ZNF766: variants seen among roughly 807,000 people sequenced by gnomAD.
ZNF766 encodes zinc finger protein 766.
In ZNF766, 13 loss-of-function variants were observed where a neutral mutation model predicts 13.2. The ratio of observed to expected loss-of-function variants is 0.98; its 90% CI spans 0.64 to 1.56. The LOEUF is 1.56. ZNF766 is among the 40% of genes most tolerant of loss of function. ZNF766 has a pLI of 0.00. For missense variants in ZNF766, 521 were observed against 552.2 expected (o/e 0.94, Z 0.57); for synonymous variants, 178 against 187.6 (o/e 0.95, Z 0.42).
rs750585668 is a variant in ZNF766 at position 52,291,232 on chromosome 19, A to G, written c.*34A>G. ...AACTCTATCATAAGTTCTAGCAGTAATCAACATCCGAGAGTCTATACTAGA... is the reference window on the plus strand; with the variant it reads ...AACTCTATCATAAGTTCTAGCAGTAGTCAACATCCGAGAGTCTATACTAGA... On this transcript the variant is annotated 3_prime_UTR_variant, in exon 4 of 4. Coordinates refer to ENST00000439461, the MANE Select transcript of ZNF766 (RefSeq NM_001010851.3). 3 of 1,526,984 alleles carry G rather than the reference A, an allele frequency of 2.0e-6. No individual in the cohort carries two copies. Among genetic ancestry groups the G allele is most frequent in the African/African-American group, 1.4e-5 (1 of 72,130 alleles). 94.6% of individuals were successfully genotyped at this position (1,526,984 alleles called of 1,614,324 possible). A position where few individuals can be genotyped will look rare whatever the true frequency, so the allele number is the denominator to read the frequency against.
At chr19:52,285,531 T>G (rs1333527583) in intron 3 of ZNF766, among the ~76,000 whole-genome samples, 1 of 152,174 alleles carries the variant, frequency 6.6e-6, no homozygotes, top group African/African-American at 2.4e-5. Context: ...ATGAAGGATA[T>G]TGCAAGGGTA....
chr19:52,277,474 A>G (rs898258215), intron 1 of ZNF766: 3 of 1,561,784 alleles, frequency 1.9e-6, no homozygotes, highest in African/African-American at 2.7e-5. Flanking sequence ...AAAACAAAAA[A>G]AGTCATGTTA....
In ZNF766 at chr19:52,283,285, G is replaced by A. The variant is rs1290085144; in HGVS notation, c.146G>A (p.Gly49Glu). The change falls in exon 3 of 4, where the codon GGA becomes GAA. Residue 49 changes from glycine to glutamate, a missense_variant and splice_region_variant. Coordinates refer to ENST00000439461, the MANE Select transcript of ZNF766 (RefSeq NM_001010851.3). The part of the protein sequence containing the change: ...LENYRNLVSL[G>E]ICLPDLSIIS... ...TCTTGATTCTTTCTTTTATAAACAG[G>A]AATCTGTCTTCCTGACCTGAGTATT... 2.5e-6 allele frequency: 4 copies of A among 1,612,328 alleles called. No homozygotes were observed. The highest frequency in any genetic ancestry group is 3.3e-5 in the Admixed American group (2 of 59,728).
intron 3 of ZNF766, among the ~76,000 whole-genome samples, chr19:52,289,394 C>T (rs533568795): frequency 2.3e-4 from 35 of 152,070 alleles, no homozygotes; most frequent in Admixed American, 5.9e-4. Context: ...TCAAGTGATC[C>T]GCCCACCTCG....
intron 1 of ZNF766, among the ~76,000 whole-genome samples, chr19:52,281,027 T>C (rs550309464): frequency 1.7e-4 from 26 of 151,670 alleles, no homozygotes; most frequent in Non-Finnish European, 3.4e-4. Flanking sequence ...TGGTGGCACA[T>C]ACCTGTAATC....
rs1208664065 is a variant in ZNF766, at chr19:52,294,700, T to A, written c.*3502T>A. On this transcript the variant is annotated 3_prime_UTR_variant, in exon 4 of 4. Coordinates refer to ENST00000439461, the MANE Select transcript of ZNF766 (RefSeq NM_001010851.3). Reference sequence around the variant, plus strand: ...TGTAAAAGGCGTTGGTGTTCAGACATCACAAAATGCAGTCAACTCTAGGAC... The same window carrying A: ...TGTAAAAGGCGTTGGTGTTCAGACAACACAAAATGCAGTCAACTCTAGGAC... 6.6e-6 allele frequency: 1 copy of A among 152,136 alleles called. No homozygotes were observed. The highest frequency in any genetic ancestry group is 1.5e-5 in the Non-Finnish European group (1 of 68,036). The allele number at this position is 152,136 out of a possible 1,614,324, so 9.4% of individuals were successfully genotyped here. A position where few individuals can be genotyped will look rare whatever the true frequency, so the allele number is the denominator to read the frequency against.
rs561833170 is a variant in ZNF766, at chr19:52,281,121, C to T, written c.19-990C>T. Reference sequence around the variant, plus strand: ...GGTGAACCGAGATCGCACCATTGCACTTGAGCCTGGGCAACAAGAGCAAAA... The same window carrying T: ...GGTGAACCGAGATCGCACCATTGCATTTGAGCCTGGGCAACAAGAGCAAAA... On this transcript the variant is annotated intron_variant, in intron 1 of 3. Coordinates refer to ENST00000439461, the MANE Select transcript of ZNF766 (RefSeq NM_001010851.3). Among the ~76,000 whole-genome samples, 194 of 150,614 alleles carry T rather than the reference C, an allele frequency of 1.3e-3. 3 individuals are homozygous for T. The highest frequency in any genetic ancestry group is 3.4e-3 in the Middle Eastern group (1 of 292).
chr19:52,275,236 GTGTT>G (rs1036452329), intron 1 of ZNF766, among the ~76,000 whole-genome samples: 1 of 152,078 alleles, frequency 6.6e-6, no homozygotes, highest in Non-Finnish European at 1.5e-5. Flanking sequence ...GCTGATGTGT[GTGTT>G]TGTGTCTTAG....
chr19:52,281,551 A>C, intron 1 of ZNF766: 1 of 315,588 alleles, frequency 3.2e-6, no homozygotes, highest in Non-Finnish European at 6.1e-6. Context: ...TATCACGTTA[A>C]TGAGTTAATG....
rs543372035 is a variant in ZNF766, at chr19:52,278,376, G to C, written c.19-3735G>C. On this transcript the variant is annotated intron_variant, in intron 1 of 3. Transcript: ENST00000439461. ...GCTACATGTATGTCTACTTTTGAGA[G>C]GTGTCTGTTCATGTCCCTTGCCCAC... 2.0e-5 allele frequency among the ~76,000 whole-genome samples: 3 copies of C among 152,078 alleles called. No individual in the cohort carries two copies. The South Asian group carries it at 6.2e-4, about 32-fold the overall frequency.
intron 3 of ZNF766, chr19:52,284,652 G>T (rs28480595): frequency 6.6e-6 from 1 of 151,852 alleles, no homozygotes; most frequent in African/African-American, 2.4e-5. Context: ...AAGCCTGTCC[G>T]CCACCAATTG....
chr19:52,270,992 C>T (rs1376239433), intron 1 of ZNF766, among the ~76,000 whole-genome samples: 1 of 152,156 alleles, frequency 6.6e-6, no homozygotes, highest in Non-Finnish European at 1.5e-5. Flanking sequence ...CCGTGTTGGC[C>T]TGACGGGTCG....
chr19:52,275,664 T>C (rs1472675275), intron 1 of ZNF766: 1 of 126,354 alleles, frequency 7.9e-6, no homozygotes, highest in African/African-American at 3.4e-5. Flanking sequence ...ATGACTACTA[T>C]ATTTTTTCTT....
chr19:52,271,980 C>CA (rs371229113), intron 1 of ZNF766, among the ~76,000 whole-genome samples: 32,915 of 88,654 alleles, frequency 0.37, 7,977 homozygotes, highest in Non-Finnish European at 0.48. Flanking sequence ...GAGACTGTCT[C>CA]AAAAAAAAAA....
At position 52,294,935 on chromosome 19, in the gene ZNF766, AAATAT is replaced by A. The variant is rs755185761; in HGVS notation, c.*3741_*3745del. ...GAAAATTAGTGTGTGGGTTTATAATAAATATAATGTATTATATAATATGATTAAAA... is the reference window on the plus strand; with the variant it reads ...GAAAATTAGTGTGTGGGTTTATAATAAATGTATTATATAATATGATTAAAA... On this transcript the variant is annotated 3_prime_UTR_variant, in exon 4 of 4. Transcript: ENST00000439461. 62 of 151,302 alleles carry A rather than the reference AAATAT, an allele frequency of 4.1e-4. No individual in the cohort carries two copies. Among genetic ancestry groups the A allele is most frequent in the Admixed American group, 1.1e-3 (17 of 15,152 alleles). The allele number at this position is 151,302 out of a possible 1,614,324, so 9.4% of individuals were successfully genotyped here.
At chr19:52,288,268 G>A (rs1228214778) in intron 3 of ZNF766, among the ~76,000 whole-genome samples, 1 of 152,028 alleles carries the variant, frequency 6.6e-6, no homozygotes, top group Non-Finnish European at 1.5e-5. Flanking sequence ...CAATCCACCC[G>A]CCTTGGCCTC....
At chr19:52,271,074 C>T (rs781747648) in intron 1 of ZNF766, among the ~76,000 whole-genome samples, 1 of 152,128 alleles carries the variant, frequency 6.6e-6, no homozygotes, top group Non-Finnish European at 1.5e-5. Flanking sequence ...GCTTGAGCCA[C>T]CTTGCCCGGC....
chr19:52,283,410 A>T lies in ZNF766; in HGVS notation c.271A>T (p.Thr91Ser). The T allele has an allele frequency of 6.3e-7, 1 of 1,591,002 alleles. No homozygotes were observed. Among genetic ancestry groups the T allele is most frequent in the Non-Finnish European group, 8.6e-7 (1 of 1,167,522 alleles). The change falls in exon 3 of 4, where the codon ACA (threonine) becomes TCA (serine). Residue 91 changes from threonine (T) to serine (S), a missense_variant. Thr to Ser is a moderately conservative substitution (Grantham distance 58). Coordinates refer to ENST00000439461, the MANE Select transcript of ZNF766 (RefSeq NM_001010851.3). ...DRWEGIKDIN[T>S]GRSCAVRSKA... Reference sequence around the variant, plus strand: ...GTGGGAAGGTATCAAAGATATCAACACAGGTAAGAGCTCAGATGGACAGAG... The same window carrying T: ...GTGGGAAGGTATCAAAGATATCAACTCAGGTAAGAGCTCAGATGGACAGAG...
chr19:52,294,036 T>C lies in ZNF766; in HGVS notation c.*2838T>C, dbSNP rs1982258002. 1 of 152,342 alleles carries C rather than the reference T, an allele frequency of 6.6e-6. No homozygotes were observed. Among genetic ancestry groups the C allele is most frequent in the South Asian group, 2.1e-4 (1 of 4,828 alleles). 9.4% of individuals were successfully genotyped at this position (152,342 alleles called of 1,614,324 possible). A position where few individuals can be genotyped will look rare whatever the true frequency, so the allele number is the denominator to read the frequency against. ...TTCATCACTGTTGATAAACATGCAC[T>C]GTATTATGTTTCTGTGTGCCTTTTT... On this transcript the variant is annotated 3_prime_UTR_variant, in exon 4 of 4. Transcript: ENST00000439461.
Sources: gnomAD v4.1 joint callset for allele counts (sites outside exome capture counted in the v4.1 genomes callset) on GRCh38, gnomAD v4.1.1 for gene constraint, MANE v1.5 for transcripts, NCBI Gene and HGNC (gene_info 2026-07-23, HGNC 2026-07-21) for gene names.